Variants in TMEM126B observed in about 807,000 individuals in gnomAD.
TMEM126B encodes the protein complex I assembly factor TMEM126B, mitochondrial.
Under a neutral mutation model 16.5 loss-of-function variants are expected in TMEM126B, and 19 were observed. The ratio of observed to expected loss-of-function variants is 1.15; its 90% CI spans 0.80 to 1.69. The LOEUF (loss-of-function observed/expected upper bound fraction) is 1.69. Ranked by LOEUF, TMEM126B falls within the 40% of genes most tolerant of loss-of-function variation. The pLI is 0.00. For missense variants in TMEM126B, 293 were observed against 278.7 expected (o/e 1.05, Z -0.37); for synonymous variants, 104 against 93.2 (o/e 1.12, Z -0.67).
intron 1 of TMEM126B, chr11:85,631,065 T>C (rs2082286884): frequency 3.6e-6 from 4 of 1,105,202 alleles, no homozygotes; most frequent in Admixed American, 2.3e-5. Context: ...CCTGTTCCCT[T>C]CCTGGAGCAG....
chr11:85,631,541 T>C (rs1449510699), intron 1 of TMEM126B, 146 bp from the exon 2 acceptor site: 12 of 948,200 alleles, frequency 1.3e-5, no homozygotes, highest in African/African-American at 1.7e-5. Context: ...ATTGAATTAC[T>C]AACAAAGTAT....
chr11:85,635,535 T>A, intron 3 of TMEM126B, 132 bp from the exon 4 acceptor site: 1 of 576,918 alleles, frequency 1.7e-6, no homozygotes, highest in South Asian at 2.7e-5. Context: ...GCCACAGAGT[T>A]TGAATTTCTA....
At position 85,631,795 on chromosome 11, in the gene TMEM126B, C is replaced by T. The variant is rs775918690; in HGVS notation, c.190C>T (p.Leu64Phe). ...AATCATAGAAAAAAATTTTGACTAT[C>T]TTAGAAAAGAAATGTAAGAGAAATG... ...IEIIEKNFDY[L>F]RKEMTQNIYQ... Residue 64 changes from leucine to phenylalanine, a missense_variant, in exon 2 of 5, where the codon CTT becomes TTT. Physicochemically the swap from Leu to Phe is conservative, Grantham distance 22. Transcript: ENST00000358867. 1 of 1,604,756 alleles carries T rather than the reference C, an allele frequency of 6.2e-7. No individual in the cohort carries two copies. The highest frequency in any genetic ancestry group is 8.5e-7 in the Non-Finnish European group (1 of 1,177,744).
intron 1 of TMEM126B, chr11:85,629,125 T>A: frequency 4.6e-6 from 4 of 864,102 alleles, no homozygotes; most frequent in Non-Finnish European, 6.7e-6. Context: ...TGTGTTTAAA[T>A]TGCCAGCTTT....
rs1591457190 is a variant in TMEM126B, at chr11:85,636,078, G to A, written c.542G>A (p.Arg181Lys). 3 of 1,602,242 alleles carry A rather than the reference G, an allele frequency of 1.9e-6. No individual in the cohort carries two copies. Among genetic ancestry groups the A allele is most frequent in the Non-Finnish European group, 2.5e-6 (3 of 1,176,644 alleles). ...YHTVPLPPKGRVLIHWMTLCQ... is the reference protein window; with the variant it reads ...YHTVPLPPKGKVLIHWMTLCQ... ...ACCGTTCCACTGCCACCAAAAGGAAGGGTTTTAATCCATTGGATGACGCTT... is the reference window on the plus strand; with the variant it reads ...ACCGTTCCACTGCCACCAAAAGGAAAGGTTTTAATCCATTGGATGACGCTT... Residue 181 changes from arginine (R) to lysine (K), a missense_variant, in exon 5 of 5, where the codon AGG (arginine) becomes AAG (lysine). Transcript: ENST00000358867.
rs1390323773 is a variant in TMEM126B at position 85,631,807 on chromosome 11, A to G, written c.202A>G (p.Met68Val). 8.7e-6 allele frequency: 14 copies of G among 1,602,178 alleles called. No homozygotes were observed. Among genetic ancestry groups the G allele is most frequent in the Non-Finnish European group, 1.2e-5 (14 of 1,177,012 alleles). ...EKNFDYLRKE[M>V]TQNIYQMATF... ...AAATTTTGACTATCTTAGAAAAGAA[A>G]TGTAAGAGAAATGCCCAGGCTGAAA... Residue 68 changes from methionine to valine, a missense_variant and splice_region_variant, in exon 2 of 5, where the codon ATG becomes GTG. Transcript: ENST00000358867.
At chr11:85,628,747 G>A in intron 1 of TMEM126B, 59 bp downstream of exon 1, 1 of 1,469,688 alleles carries the variant, frequency 6.8e-7, no homozygotes, top group South Asian at 1.2e-5. Context: ...AGTGTTGGCA[G>A]ACTCTTCTAA....
intron 1 of TMEM126B, among the ~76,000 whole-genome samples, chr11:85,629,781 A>G (rs901180121): frequency 1.3e-5 from 2 of 152,226 alleles, no homozygotes; most frequent in African/African-American, 2.4e-5. Context: ...AGATGTTACT[A>G]TCCCTTATAC....
chr11:85,635,452 G>A (rs772847039), intron 3 of TMEM126B, among the ~76,000 whole-genome samples: 3 of 152,120 alleles, frequency 2.0e-5, no homozygotes, highest in Admixed American at 1.3e-4. Flanking sequence ...AACCACATAC[G>A]TTAGAGGTAA....
chr11:85,636,261 A>G lies in TMEM126B; in HGVS notation c.*32A>G, dbSNP rs1173148526. 7.1e-7 allele frequency: 1 copy of G among 1,399,954 alleles called. No individual in the cohort carries two copies. The highest frequency in any genetic ancestry group is 2.5e-5 in the East Asian group (1 of 39,530). The allele number at this position is 1,399,954 out of a possible 1,614,324, so 86.7% of individuals were successfully genotyped here. A position where few individuals can be genotyped will look rare whatever the true frequency, so the allele number is the denominator to read the frequency against. ...AAATGAATGGTTGCTAACTTAGCAA[A>G]ATGAAGTTTCTATAAAGAGGACTCA... On this transcript the variant is annotated 3_prime_UTR_variant, in exon 5 of 5. Coordinates refer to ENST00000358867, the MANE Select transcript of TMEM126B (RefSeq NM_018480.7).
chr11:85,635,231 T>G (rs1189199974), intron 3 of TMEM126B: 5 of 152,858 alleles, frequency 3.3e-5, no homozygotes, highest in African/African-American at 1.2e-4. Context: ...GAGACCAGCC[T>G]GGCCAACACA....
chr11:85,629,098 A>C (rs1055396875), intron 1 of TMEM126B: 1 of 661,342 alleles, frequency 1.5e-6, no homozygotes, highest in African/African-American at 1.9e-5. Context: ...TTTTTCGTTT[A>C]TGTCACTCTC....
chr11:85,628,656 G>A lies in TMEM126B; in HGVS notation c.49G>A (p.Val17Met), dbSNP rs960817729. The A allele has an allele frequency of 6.5e-7, 1 of 1,536,092 alleles. No homozygotes were observed. Among genetic ancestry groups the A allele is most frequent in the African/African-American group, 1.4e-5 (1 of 73,064 alleles). Residue 17 changes from valine to methionine, a missense_variant, in exon 1 of 5, where the codon GTG becomes ATG. Coordinates refer to ENST00000358867, the MANE Select transcript of TMEM126B (RefSeq NM_018480.7). ...EAGTKPRDSG[V>M]VPVGTEEAPK... The stretch of plus-strand genomic sequence containing the variant: ...TGGGACTAAGCCAAGGGATTCAGGT[G>A]TGGTGCCGGTGGGAACTGAGGAAGC...
In TMEM126B at chr11:85,631,283, G is replaced by C. The variant is rs375604178; in HGVS notation, c.82-404G>C. On this transcript the variant is annotated intron_variant, in intron 1 of 4. Transcript: ENST00000358867. Reference sequence around the variant, plus strand: ...CTACAAAGAGCCTGACTGCCTTCTCGGAATGAGGAGAGAGGAAAACAGCAA... The same window carrying C: ...CTACAAAGAGCCTGACTGCCTTCTCCGAATGAGGAGAGAGGAAAACAGCAA... The C allele has an allele frequency of 2.4e-6, 3 of 1,266,192 alleles. No individual in the cohort carries two copies. In the South Asian group the frequency reaches 3.8e-5, roughly 16 times the overall value. 78.4% of individuals were successfully genotyped at this position (1,266,192 alleles called of 1,614,324 possible).
chr11:85,628,776 G>T, intron 1 of TMEM126B, 88 bp downstream of exon 1: 8 of 1,346,300 alleles, frequency 5.9e-6, no homozygotes, highest in Non-Finnish European at 6.1e-6. Flanking sequence ...CTTTAAAGGA[G>T]ATTTGAAAAG....
At position 85,631,787 on chromosome 11, in the gene TMEM126B, T is replaced by G. The variant is rs1484380626; in HGVS notation, c.182T>G (p.Phe61Cys). ...GTCATAGAAATCATAGAAAAAAATT[T>G]TGACTATCTTAGAAAAGAAATGTAA... ...PMVIEIIEKN[F>C]DYLRKEMTQN... Residue 61 changes from phenylalanine (F) to cysteine (C), a missense_variant, in exon 2 of 5, where the codon TTT becomes TGT. By Grantham distance (205) the Phe-to-Cys change is radical. Transcript: ENST00000358867. 1 of 1,608,264 alleles carries G rather than the reference T, an allele frequency of 6.2e-7. No individual in the cohort carries two copies. Among genetic ancestry groups the G allele is most frequent in the East Asian group, 2.2e-5 (1 of 44,772 alleles).
chr11:85,632,498 CA>C (rs1397152847), intron 2 of TMEM126B, among the ~76,000 whole-genome samples: 2 of 152,158 alleles, frequency 1.3e-5, no homozygotes, highest in African/African-American at 4.8e-5. Flanking sequence ...AGAAAAAAAT[CA>C]AAGGACAGTT....
At position 85,634,070 on chromosome 11, in the gene TMEM126B, TC is replaced by T; in HGVS notation, c.204-15del. 1 of 1,591,980 alleles carries T rather than the reference TC, an allele frequency of 6.3e-7. No homozygotes were observed. The highest frequency in any genetic ancestry group is 8.5e-7 in the Non-Finnish European group (1 of 1,172,516). Reference sequence around the variant, plus strand: ...TCAATGGTATAGTGAACTGAATTTTTCTTTTTTTCTATTAGGACACAAAATA... The same window carrying T: ...TCAATGGTATAGTGAACTGAATTTTTTTTTTTTCTATTAGGACACAAAATA... On this transcript the variant is annotated splice_polypyrimidine_tract_variant and intron_variant, in intron 2 of 4. Coordinates refer to ENST00000358867, the MANE Select transcript of TMEM126B (RefSeq NM_018480.7).
chr11:85,634,014 A>C (rs2082352526), intron 2 of TMEM126B, 72 bp from the exon 3 acceptor site: 4 of 1,076,398 alleles, frequency 3.7e-6, no homozygotes, highest in Non-Finnish European at 5.4e-6. Context: ...ATGCAATAAC[A>C]ACTTTTCAGG....
Sources: gnomAD v4.1 joint callset for allele counts (sites outside exome capture counted in the v4.1 genomes callset) on GRCh38, gnomAD v4.1.1 for gene constraint, MANE v1.5 for transcripts, NCBI Gene and HGNC (gene_info 2026-07-23, HGNC 2026-07-21) for gene names.